MARCHF8: variants seen among roughly 807,000 people sequenced by gnomAD.
MARCHF8 encodes membrane associated ring-CH-type finger 8.
In MARCHF8, 40 loss-of-function variants were observed where a neutral mutation model predicts 51.6. The ratio of observed to expected loss-of-function variants is 0.77; its 90% CI spans 0.60 to 1.01. The LOEUF is 1.01. Among genes scored for constraint, MARCHF8 ranks in the 50% least tolerant of loss-of-function variants. The probability of loss-of-function intolerance (pLI) is 0.00; values close to 1 mark genes in which losing one functional copy is unlikely to be tolerated. For synonymous variants in MARCHF8, 263 were observed against 280.3 expected (o/e 0.94, Z 0.62); for missense variants, 685 against 708.6 (o/e 0.97, Z 0.38).
At chr10:45,477,371 T>C (rs774872360) in intron 3 of MARCHF8, among the ~76,000 whole-genome samples, 6 of 152,164 alleles carry the variant, frequency 3.9e-5, no homozygotes, top group African/African-American at 9.7e-5. Flanking sequence ...AGGACAGTAT[T>C]TGCCATCATG....
At chr10:45,538,109 A>G (rs1390028419), upstream of MARCHF8, among the ~76,000 whole-genome samples, 1 of 152,228 alleles carries the variant, frequency 6.6e-6, no homozygotes, top group Non-Finnish European at 1.5e-5. Flanking sequence ...TCAGACTAAC[A>G]GCTGATCTCT....
intron 1 of MARCHF8, among the ~76,000 whole-genome samples, chr10:45,564,005 G>T (rs2044337971): frequency 6.6e-6 from 1 of 152,226 alleles, no homozygotes; most frequent in African/African-American, 2.4e-5. Context: ...GCTAGGCGTG[G>T]TGTCTCACGC....
chr10:45,467,166 CA>C (rs1842996534), intron 3 of MARCHF8, among the ~76,000 whole-genome samples: 1 of 152,192 alleles, frequency 6.6e-6, no homozygotes, highest in Admixed American at 6.5e-5. Context: ...TCACCATTTC[CA>C]ATCTTATGAA....
intron 1 of MARCHF8, among the ~76,000 whole-genome samples, chr10:45,559,643 A>G (rs2044287956): frequency 6.6e-6 from 1 of 152,260 alleles, no homozygotes; most frequent in African/African-American, 2.4e-5. Flanking sequence ...ATATTTAAAT[A>G]AACATGAACA....
At chr10:45,515,127 A>C (rs1369850888) in intron 2 of MARCHF8, among the ~76,000 whole-genome samples, 7 of 152,238 alleles carry the variant, frequency 4.6e-5, no homozygotes, top group African/African-American at 1.7e-4. Flanking sequence ...CATTTTCACC[A>C]ATTTGTCCAT....
At chr10:45,471,179 C>G (rs547923256) in intron 3 of MARCHF8, among the ~76,000 whole-genome samples, 1 of 152,162 alleles carries the variant, frequency 6.6e-6, no homozygotes, top group Admixed American at 6.5e-5. Context: ...GCATTGCTTA[C>G]GCCAAGTAGC....
At chr10:45,593,770 G>A (rs1322497424) in intron 1 of MARCHF8, 4 of 152,192 alleles carry the variant, frequency 2.6e-5, no homozygotes, top group African/African-American at 9.7e-5. Flanking sequence ...GTATGTGAGG[G>A]TTATGCTAGC....
At chr10:45,561,267 G>A (rs2044307210) in intron 1 of MARCHF8, among the ~76,000 whole-genome samples, 1 of 150,700 alleles carries the variant, frequency 6.6e-6, no homozygotes, top group Non-Finnish European at 1.5e-5. Context: ...ATGTAATTAT[G>A]AAACAGAATT....
At chr10:45,475,839 A>G (rs1589092900) in intron 3 of MARCHF8, among the ~76,000 whole-genome samples, 1 of 151,856 alleles carries the variant, frequency 6.6e-6, no homozygotes, top group South Asian at 2.1e-4. Flanking sequence ...AGGCATACTC[A>G]CCCCACTACT....
intron 2 of MARCHF8, among the ~76,000 whole-genome samples, chr10:45,510,505 C>T (rs2043478062): frequency 1.3e-5 from 2 of 152,068 alleles, no homozygotes; most frequent in African/African-American, 4.8e-5. Flanking sequence ...AAAATTTTAA[C>T]TCAGGAAAAA....
At chr10:45,576,903 G>T (rs2044495901) in intron 1 of MARCHF8, among the ~76,000 whole-genome samples, 1 of 150,796 alleles carries the variant, frequency 6.6e-6, no homozygotes, top group Admixed American at 6.6e-5. Flanking sequence ...GCTACAGTGA[G>T]CTACAATTGC....
intron 4 of MARCHF8, 66 bp downstream of exon 4, chr10:45,464,173 C>G: frequency 1.3e-6 from 2 of 1,580,424 alleles, no homozygotes; most frequent in African/African-American, 1.3e-5. Flanking sequence ...ATTCAAGAAC[C>G]TACAGACACT....
At chr10:45,574,860 T>C (rs1413039020) in intron 1 of MARCHF8, among the ~76,000 whole-genome samples, 1 of 151,344 alleles carries the variant, frequency 6.6e-6, no homozygotes, top group East Asian at 1.9e-4. Context: ...CAAGCCAAAC[T>C]CATTGCCTTA....
chr10:45,462,635 T>A (rs571133586), intron 5 of MARCHF8, among the ~76,000 whole-genome samples: 5 of 89,486 alleles, frequency 5.6e-5, no homozygotes, highest in African/African-American at 1.9e-4. Context: ...TTTTGTTTTG[T>A]TTTTTTTTAG....
chr10:45,481,908 T>C (rs546152273), intron 3 of MARCHF8, among the ~76,000 whole-genome samples: 161 of 152,318 alleles, frequency 1.1e-3, no homozygotes, highest in African/African-American at 3.6e-3. Context: ...GATATGATTT[T>C]ATACCTAGAA....
At chr10:45,503,573 T>TAAATA (rs2043323200) in intron 2 of MARCHF8, among the ~76,000 whole-genome samples, 1 of 127,144 alleles carries the variant, frequency 7.9e-6, no homozygotes, top group African/African-American at 3.0e-5. Context: ...ATAAATAAAA[T>TAAATA]AAAAACTAAA....
At chr10:45,535,727 G>A (rs982855336), upstream of MARCHF8, among the ~76,000 whole-genome samples, 15 of 152,114 alleles carry the variant, frequency 9.9e-5, no homozygotes, top group Non-Finnish European at 1.5e-4. Flanking sequence ...TATTTTCTTT[G>A]CATAATTTCC....
At chr10:45,593,574 C>T (rs2044704599) in intron 1 of MARCHF8, 1 of 152,198 alleles carries the variant, frequency 6.6e-6, no homozygotes, top group African/African-American at 2.4e-5. Context: ...TATGTCCTAA[C>T]CCATTCGGTT....
At chr10:45,483,021 C>A (rs1181574840) in intron 3 of MARCHF8, among the ~76,000 whole-genome samples, 1 of 152,068 alleles carries the variant, frequency 6.6e-6, no homozygotes, top group Non-Finnish European at 1.5e-5. Flanking sequence ...AACATAAGAC[C>A]TGAAACTATA....
Sources: allele counts gnomAD v4.1 joint callset (sites outside exome capture counted in the v4.1 genomes callset), GRCh38; gene constraint gnomAD v4.1.1; transcripts MANE v1.5; gene names NCBI Gene and HGNC (gene_info 2026-07-23, HGNC 2026-07-21).